The following MTHFD1L variants were observed in gnomAD, a reference collection of about 807,000 sequenced individuals.
MTHFD1L encodes the protein methylenetetrahydrofolate dehydrogenase (NADP+ dependent) 1 like, also known as monofunctional C1-tetrahydrofolate synthase, mitochondrial.
Under a neutral mutation model 119.5 loss-of-function variants are expected in MTHFD1L, and 81 were observed. That is an observed-to-expected ratio of 0.68 (90% CI 0.57 to 0.82). MTHFD1L has a LOEUF of 0.82. MTHFD1L is among the 40% of genes least tolerant of loss of function. The pLI, the probability that MTHFD1L is intolerant of heterozygous loss-of-function variation, is 0.00. For missense variants in MTHFD1L, 1,125 were observed against 1,253.4 expected (o/e 0.90, Z 1.55); for synonymous variants, 430 against 475.2 (o/e 0.90, Z 1.24).
Position 150,995,368 on chromosome 6 carries a change from G to A in MTHFD1L, c.2126-14451G>A, listed in dbSNP as rs1288537090. Among the ~76,000 whole-genome samples the A allele has an allele frequency of 2.0e-5, 3 of 151,924 alleles. No homozygotes were observed. In the East Asian group the frequency reaches 5.9e-4, roughly 30 times the overall value. On this transcript the variant is annotated intron_variant, in intron 20 of 27. Coordinates refer to ENST00000367321, the MANE Select transcript of MTHFD1L (RefSeq NM_015440.5). ...TGTCTCTACTAAAAATACAAAATTA[G>A]CCAGGCGTGGTGGCACATGCCTGTA... is the stretch of plus-strand genomic sequence containing the variant.
At chr6:151,013,303 C>T (rs906163305) in intron 21 of MTHFD1L, among the ~76,000 whole-genome samples, 9 of 152,142 alleles carry the variant, frequency 5.9e-5, no homozygotes, top group Non-Finnish European at 1.0e-4. Context: ...TCACTTGAGC[C>T]CAGGAGTTTG....
At chr6:151,004,513 ATT>A (rs985334790) in intron 20 of MTHFD1L, among the ~76,000 whole-genome samples, 3 of 152,080 alleles carry the variant, frequency 2.0e-5, no homozygotes, top group African/African-American at 7.2e-5. Context: ...TGCCGTTATC[ATT>A]GTTTCTGCTT....
intron 4 of MTHFD1L, among the ~76,000 whole-genome samples, chr6:150,882,117 T>A (rs1781481321): frequency 6.6e-6 from 1 of 152,224 alleles, no homozygotes. Flanking sequence ...TTTATTAGCT[T>A]CCCAAAATGT....
intron 1 of MTHFD1L, chr6:150,866,474 G>T (rs1161822261): frequency 7.6e-7 from 1 of 1,319,332 alleles, no homozygotes; most frequent in East Asian, 3.2e-5. Context: ...CGCGCCGGCT[G>T]GCCCGGGGTT....
At chr6:151,035,393 A>T (rs1467054849) in intron 25 of MTHFD1L, among the ~76,000 whole-genome samples, 1 of 152,040 alleles carries the variant, frequency 6.6e-6, no homozygotes, top group African/African-American at 2.4e-5. Flanking sequence ...CCTTTTCTTT[A>T]AAAAAAATCT....
chr6:151,075,203 G>A (rs1792369321), intron 26 of MTHFD1L, among the ~76,000 whole-genome samples: 1 of 151,952 alleles, frequency 6.6e-6, no homozygotes, highest in South Asian at 2.1e-4. Context: ...TAATTAAAAT[G>A]CAAAGAATGT....
chr6:150,880,909 G>A (rs1481094219), intron 4 of MTHFD1L, among the ~76,000 whole-genome samples: 1 of 152,090 alleles, frequency 6.6e-6, no homozygotes, highest in Admixed American at 6.6e-5. Context: ...GTCTGTTCAC[G>A]TCTTTTGCAC....
chr6:150,960,063 C>T (rs1484036779), intron 17 of MTHFD1L, among the ~76,000 whole-genome samples: 1 of 152,226 alleles, frequency 6.6e-6, no homozygotes, highest in Admixed American at 6.5e-5. Context: ...TGGCAAAGAG[C>T]ACATTCCGCC....
intron 26 of MTHFD1L, among the ~76,000 whole-genome samples, chr6:151,063,454 A>G (rs943444470): frequency 2.0e-5 from 3 of 152,174 alleles, no homozygotes; most frequent in Non-Finnish European, 4.4e-5. Context: ...CAGCTTTCAA[A>G]CATGATTAAT....
intron 6 of MTHFD1L, among the ~76,000 whole-genome samples, chr6:150,886,457 A>AT (rs1194980527): frequency 5.4e-5 from 8 of 148,116 alleles, no homozygotes; most frequent in Non-Finnish European, 1.2e-4. Context: ...AAAAAAAAAA[A>AT]AGAGAAGAAG....
intron 15 of MTHFD1L, among the ~76,000 whole-genome samples, chr6:150,947,160 C>T (rs991852290): frequency 6.6e-6 from 1 of 150,560 alleles, no homozygotes; most frequent in East Asian, 2.1e-4. Flanking sequence ...TGCAATGGCA[C>T]GATCTCGGCT....
At chr6:151,060,867 C>T (rs1200667686) in intron 26 of MTHFD1L, among the ~76,000 whole-genome samples, 4 of 152,160 alleles carry the variant, frequency 2.6e-5, no homozygotes, top group Non-Finnish European at 5.9e-5. Flanking sequence ...AGAGATCACT[C>T]AGGCAGCAGT....
intron 7 of MTHFD1L, among the ~76,000 whole-genome samples, chr6:150,905,097 G>A (rs1261655259): frequency 1.5e-5 from 2 of 129,574 alleles, no homozygotes; most frequent in African/African-American, 5.8e-5. Context: ...GCAGTGGTGT[G>A]ATCTCGGCTC....
intron 20 of MTHFD1L, among the ~76,000 whole-genome samples, chr6:150,995,013 C>A (rs923140856): frequency 2.6e-5 from 4 of 152,046 alleles, no homozygotes; most frequent in Non-Finnish European, 4.4e-5. Context: ...ATATATCTTT[C>A]GTATTTTCCT....
At chr6:151,045,258 C>T (rs1270076814) in intron 26 of MTHFD1L, among the ~76,000 whole-genome samples, 2 of 152,146 alleles carry the variant, frequency 1.3e-5, no homozygotes, top group Non-Finnish European at 2.9e-5. Context: ...ACCCCCCCGC[C>T]AAGCTGCACT....
In MTHFD1L at chr6:150,949,106, G is replaced by A. The variant is rs139147258; in HGVS notation, c.1699G>A (p.Asp567Asn). The change falls in exon 16 of 28, where the codon GAC becomes AAC. Residue 567 changes from aspartate to asparagine, a missense_variant. By Grantham distance (23) the Asp-to-Asn change is conservative. This residue lies in a region of MTHFD1L where 1,058 missense variants were observed against 1,151.2 expected (regional missense o/e 0.92). Coordinates refer to ENST00000367321, the MANE Select transcript of MTHFD1L (RefSeq NM_015440.5). ...EVSKFARLDI[D>N]PSTITWQRVL... is the part of the protein sequence containing the mutation. Reference sequence around the variant, plus strand: ...GAGTAAATTTGCCCGTCTCGACATCGACCCATCTACCATCACGTGGCAGAG... The same window carrying A: ...GAGTAAATTTGCCCGTCTCGACATCAACCCATCTACCATCACGTGGCAGAG... 55 of 1,613,902 alleles carry A rather than the reference G, an allele frequency of 3.4e-5. No individual in the cohort carries two copies. Among genetic ancestry groups the A allele is most frequent in the Admixed American group, 1.5e-4 (9 of 59,994 alleles).
chr6:150,981,198 A>G (rs188708336), intron 20 of MTHFD1L, among the ~76,000 whole-genome samples: 56 of 152,306 alleles, frequency 3.7e-4, no homozygotes, highest in African/African-American at 1.2e-3. Flanking sequence ...ACCAGTTGAC[A>G]CCCGCACCTC....
chr6:150,885,006 A>G (rs1444903500), intron 5 of MTHFD1L, among the ~76,000 whole-genome samples: 1 of 152,078 alleles, frequency 6.6e-6, no homozygotes, highest in African/African-American at 2.4e-5. Flanking sequence ...ATTGGGGTCC[A>G]TTGAAAGGAG....
intron 27 of MTHFD1L, among the ~76,000 whole-genome samples, chr6:151,098,652 T>C (rs1245957290): frequency 2.0e-5 from 3 of 152,226 alleles, no homozygotes; most frequent in Admixed American, 2.0e-4. Context: ...ACAAACTTTT[T>C]CTGAGCACAT....
Sources: allele counts gnomAD v4.1 joint callset (sites outside exome capture counted in the v4.1 genomes callset), GRCh38; gene constraint gnomAD v4.1.1; regional missense constraint gnomAD v4.1.1; transcripts MANE v1.5; gene names NCBI Gene and HGNC (gene_info 2026-07-23, HGNC 2026-07-21).